ITGBL1: variants seen among roughly 807,000 people sequenced by gnomAD.
The protein encoded by ITGBL1 is integrin subunit beta like 1.
In ITGBL1, 51 loss-of-function variants were observed where a neutral mutation model predicts 68.5. That is an observed-to-expected ratio of 0.74 (90% CI 0.59 to 0.94). The LOEUF (loss-of-function observed/expected upper bound fraction) is 0.94. Ranked by LOEUF, ITGBL1 falls within the 40% of genes least tolerant of loss-of-function variation. The pLI is 0.00. For missense variants in ITGBL1, 649 were observed against 647.4 expected, an observed-to-expected ratio of 1.00 and a Z score of -0.03; for synonymous variants, 209 against 227.3, an observed-to-expected ratio of 0.92 and a Z score of 0.72.
In ITGBL1 at chr13:101,687,324, T is replaced by C. The variant is rs2033776947; in HGVS notation, c.1016-5261T>C. On this transcript the variant is annotated intron_variant, in intron 7 of 10. Coordinates refer to ENST00000376180, the MANE Select transcript of ITGBL1 (RefSeq NM_004791.3). ...CAAGGTTTTCACATTTTCATGTAGT[T>C]CTTATGAGAAAAAAATGTACTCTAA... 2.0e-5 allele frequency among the ~76,000 whole-genome samples: 3 copies of C among 151,398 alleles called. No individual in the cohort carries two copies. In the South Asian group the frequency reaches 6.3e-4, roughly 32 times the overall value.
At chr13:101,504,012 G>C (rs2048985265) in intron 2 of ITGBL1, among the ~76,000 whole-genome samples, 1 of 152,116 alleles carries the variant, frequency 6.6e-6, no homozygotes, top group African/African-American at 2.4e-5. Context: ...TACATAAAAA[G>C]TTCAGATTGT....
At chr13:101,580,427 T>C (rs2050436229) in intron 5 of ITGBL1, among the ~76,000 whole-genome samples, 1 of 108,244 alleles carries the variant, frequency 9.2e-6, no homozygotes, top group South Asian at 3.6e-4. Flanking sequence ...TAATTTACCT[T>C]ATGGTTTCTT....
intron 7 of ITGBL1, among the ~76,000 whole-genome samples, chr13:101,666,113 A>C (rs2033210268): frequency 6.6e-6 from 1 of 152,132 alleles, no homozygotes; most frequent in Non-Finnish European, 1.5e-5. Flanking sequence ...TAAACTTATT[A>C]TCTTTGGAGA....
intron 2 of ITGBL1, among the ~76,000 whole-genome samples, chr13:101,532,290 GCA>G (rs1402200616): frequency 2.6e-5 from 4 of 152,134 alleles, no homozygotes; most frequent in African/African-American, 9.7e-5. Flanking sequence ...TTAAGAACCT[GCA>G]CAGAGTAAAT....
At chr13:101,609,056 A>G (rs914048453) in intron 7 of ITGBL1, among the ~76,000 whole-genome samples, 1 of 152,050 alleles carries the variant, frequency 6.6e-6, no homozygotes, top group Non-Finnish European at 1.5e-5. Flanking sequence ...GACAATGCCC[A>G]CTATTATGGG....
chr13:101,526,156 T>TTC lies in ITGBL1; in HGVS notation c.317-41542_317-41541insCT, dbSNP rs1555356283. Among the ~76,000 whole-genome samples the TTC allele has an allele frequency of 1.1e-3, 11 of 9,888 alleles. No homozygotes were observed. In the East Asian group the frequency reaches 0.034, roughly 30 times the overall value. The allele number at this position is 9,888 out of a possible 152,430, so 6.5% of individuals were successfully genotyped here. On this transcript the variant is annotated intron_variant, in intron 2 of 10. Coordinates refer to ENST00000376180, the MANE Select transcript of ITGBL1 (RefSeq NM_004791.3). ...TAGTTTCTTCTTCTTCTTCTTCTTC[T>TTC]TTTTTTTTTTTTTAAATACTTTAAG...
At chr13:101,642,816 G>A (rs3930818) in intron 7 of ITGBL1, among the ~76,000 whole-genome samples, 123,934 of 151,870 alleles carry the variant, frequency 0.82, 50,744 homozygotes, top group African/African-American at 0.89. Context: ...TTTATTAAAT[G>A]TGGAATCCTT....
In ITGBL1 at chr13:101,579,318, C is replaced by G. The variant is rs1247652760; in HGVS notation, c.618C>G (p.Tyr206Ter). 1 of 1,613,906 alleles carries G rather than the reference C, an allele frequency of 6.2e-7. No homozygotes were observed. Among genetic ancestry groups the G allele is most frequent in the Non-Finnish European group, 8.5e-7 (1 of 1,179,858 alleles). The change falls in exon 5 of 11, where the codon TAC becomes TAG. Residue 206 changes from tyrosine to a stop codon, truncating the protein, a stop_gained. Coordinates refer to ENST00000376180, the MANE Select transcript of ITGBL1 (RefSeq NM_004791.3). LOFTEE classifies it high-confidence loss of function. ...GHGKCYCGNCYCKAGWHGDKC... is the reference protein window; with the variant it reads ...GHGKCYCGNC ...GGAAGTGTTACTGTGGAAACTGCTA[C>G]TGCAAGGCTGGTTGGCATGGAGATA... is the stretch of plus-strand genomic sequence containing the variant.
Position 101,715,712 on chromosome 13 carries a change from T to C in ITGBL1, c.*58T>C. The stretch of plus-strand genomic sequence containing the variant: ...TTTCTGGGCCATTAGAACAGATAAA[T>C]GCGAAGGAAACCATGTATATTCACC... On this transcript the variant is annotated 3_prime_UTR_variant, in exon 11 of 11. Coordinates refer to ENST00000376180, the MANE Select transcript of ITGBL1 (RefSeq NM_004791.3). 4 of 1,091,656 alleles carry C rather than the reference T, an allele frequency of 3.7e-6. No individual in the cohort carries two copies. The highest frequency in any genetic ancestry group is 5.7e-6 in the Non-Finnish European group (4 of 703,950). 67.6% of individuals were successfully genotyped at this position (1,091,656 alleles called of 1,614,324 possible).
At chr13:101,659,166 T>TC (rs79153823) in intron 7 of ITGBL1, among the ~76,000 whole-genome samples, 25,870 of 150,986 alleles carry the variant, frequency 0.17, 2,875 homozygotes, top group Admixed American at 0.27. Context: ...TTCAAGGGAT[T>TC]CCCCTGCCTC....
In ITGBL1 at chr13:101,615,617, G is replaced by A. The variant is rs539988813; in HGVS notation, c.1015+17318G>A. ...CATGAGGGTGGAGTCCTCATGAAAG[G>A]GAATGGTGCTCTTACAAAAGAGACC... On this transcript the variant is annotated intron_variant, in intron 7 of 10. Transcript: ENST00000376180. Among the ~76,000 whole-genome samples, 32 of 152,008 alleles carry A rather than the reference G, an allele frequency of 2.1e-4. 1 individual carries two copies. The highest frequency in any genetic ancestry group is 2.1e-3 in the South Asian group (10 of 4,814).
chr13:101,589,636 C>G (rs1225120418), intron 6 of ITGBL1, among the ~76,000 whole-genome samples: 3 of 152,194 alleles, frequency 2.0e-5, no homozygotes, highest in African/African-American at 2.4e-5. Flanking sequence ...GGGCTAAGGT[C>G]TTTTATCCTT....
chr13:101,691,063 G>A (rs1343442453), intron 7 of ITGBL1, among the ~76,000 whole-genome samples: 1 of 152,196 alleles, frequency 6.6e-6, no homozygotes, highest in African/African-American at 2.4e-5. Flanking sequence ...AAGGCTCCCA[G>A]AATTGCTATG....
At position 101,453,998 on chromosome 13, in the gene ITGBL1, G is replaced by A; in HGVS notation, c.214G>A (p.Gly72Ser). 3 of 1,563,830 alleles carry A rather than the reference G, an allele frequency of 1.9e-6. No individual in the cohort carries two copies. The highest frequency in any genetic ancestry group is 2.6e-6 in the Non-Finnish European group (3 of 1,155,026). The part of the protein sequence containing the change: ...LCHGRGRCDC[G>S]VCICHVTEPG... Reference sequence around the variant, plus strand: ...CCACGGCCGGGGCCGCTGCGACTGCGGCGTCTGCATCTGCCACGTGACTGA... The same window carrying A: ...CCACGGCCGGGGCCGCTGCGACTGCAGCGTCTGCATCTGCCACGTGACTGA... Residue 72 changes from glycine to serine, a missense_variant, in exon 2 of 11, where the codon GGC becomes AGC. By Grantham distance (56) the Gly-to-Ser change is moderately conservative (BLOSUM62 0). Transcript: ENST00000376180.
intron 2 of ITGBL1, among the ~76,000 whole-genome samples, chr13:101,479,595 C>T (rs534970236): frequency 1.3e-5 from 2 of 150,518 alleles, no homozygotes; most frequent in African/African-American, 4.9e-5. Flanking sequence ...ATATAAGAAG[C>T]CCACACAACT....
chr13:101,525,470 T>TTTTCCTACCTC (rs59579161), intron 2 of ITGBL1, among the ~76,000 whole-genome samples: 112,545 of 151,148 alleles, frequency 0.74, 41,935 homozygotes, highest in South Asian at 0.79. Flanking sequence ...CATCACCTCC[T>TTTTCCTACCTC]TTTCTTGGCC....
intron 7 of ITGBL1, among the ~76,000 whole-genome samples, chr13:101,614,175 A>G (rs1011244547): frequency 2.0e-5 from 3 of 152,166 alleles, no homozygotes; most frequent in African/African-American, 4.8e-5. Flanking sequence ...TTTGTTCTAT[A>G]TGAAAGATAA....
intron 7 of ITGBL1, among the ~76,000 whole-genome samples, chr13:101,667,177 C>G (rs140192755): frequency 7.9e-5 from 12 of 152,132 alleles, no homozygotes; most frequent in Non-Finnish European, 1.0e-4. Context: ...AAAATTACAC[C>G]AAGAATAATG....
At chr13:101,499,642 C>T (rs1042561784) in intron 2 of ITGBL1, among the ~76,000 whole-genome samples, 1 of 152,194 alleles carries the variant, frequency 6.6e-6, no homozygotes, top group East Asian at 1.9e-4. Flanking sequence ...ATAAATGCCT[C>T]ATGCTTCCCC....
Sources: allele counts gnomAD v4.1 joint callset (sites outside exome capture counted in the v4.1 genomes callset), GRCh38; gene constraint gnomAD v4.1.1; transcripts MANE v1.5; gene names NCBI Gene and HGNC (gene_info 2026-07-23, HGNC 2026-07-21).